SMPDL3B: variants seen among roughly 807,000 people sequenced by gnomAD.
SMPDL3B encodes acid sphingomyelinase-like phosphodiesterase 3b.
Under a neutral mutation model 37.9 loss-of-function variants are expected in SMPDL3B, and 31 were observed. The ratio of observed to expected loss-of-function variants is 0.82; its 90% confidence interval spans 0.61 to 1.10. SMPDL3B has a LOEUF of 1.10. Ranked by LOEUF, SMPDL3B falls within the 50% of genes least tolerant of loss-of-function variation. The pLI, the probability that SMPDL3B is intolerant of heterozygous loss-of-function variation, is 0.00. For missense variants in SMPDL3B, 525 were observed against 597.8 expected (o/e 0.88, Z 1.27); for synonymous variants, 235 against 242.6 (o/e 0.97, Z 0.29).
chr1:27,956,418 C>A, intron 7 of SMPDL3B: 1 of 1,269,880 alleles, frequency 7.9e-7, no homozygotes, highest in Non-Finnish European at 1.0e-6. Flanking sequence ...CTCCGTCCTG[C>A]TCAAAAACCT....
At chr1:27,936,842 C>G (rs1358872636) in intron 1 of SMPDL3B, among the ~76,000 whole-genome samples, 1 of 152,004 alleles carries the variant, frequency 6.6e-6, no homozygotes, top group Non-Finnish European at 1.5e-5. Context: ...TACGGTGAAA[C>G]TAAAAATACT....
chr1:27,941,072 G>T (rs1161049080), intron 1 of SMPDL3B, among the ~76,000 whole-genome samples: 4 of 152,212 alleles, frequency 2.6e-5, no homozygotes, highest in Non-Finnish European at 4.4e-5. Flanking sequence ...TTAGAAACCA[G>T]ATCTCCCACC....
chr1:27,936,605 C>T (rs1472695461), intron 1 of SMPDL3B: 1 of 152,222 alleles, frequency 6.6e-6, no homozygotes, highest in Non-Finnish European at 1.5e-5. Flanking sequence ...AATGGCAGGA[C>T]AAAGCCTGTG....
intron 2 of SMPDL3B, chr1:27,948,860 A>G (rs2090431701): frequency 4.6e-6 from 4 of 864,580 alleles, no homozygotes; most frequent in Non-Finnish European, 7.3e-6. Context: ...TAAACAGCCA[A>G]TCAAGGGACC....
At chr1:27,957,217 C>A (rs1638316907) in intron 7 of SMPDL3B, among the ~76,000 whole-genome samples, 1 of 152,030 alleles carries the variant, frequency 6.6e-6, no homozygotes. Context: ...GAGGGAAGGA[C>A]AAATCCCAGA....
At chr1:27,944,767 G>A (rs549960765) in intron 1 of SMPDL3B, among the ~76,000 whole-genome samples, 1 of 150,694 alleles carries the variant, frequency 6.6e-6, no homozygotes, top group Non-Finnish European at 1.5e-5. Flanking sequence ...GAAATTCCAG[G>A]ACAGGTCAGA....
chr1:27,957,048 AG>A (rs1638310095), intron 7 of SMPDL3B, among the ~76,000 whole-genome samples: 1 of 152,006 alleles, frequency 6.6e-6, no homozygotes, highest in Admixed American at 6.6e-5. Flanking sequence ...GGAGAGTGGG[AG>A]GGGAGGTCCG....
rs149876353 is a variant in SMPDL3B, at chr1:27,957,104, G to A, written c.1005+1022G>A. Among the ~76,000 whole-genome samples, 426 of 152,222 alleles carry A rather than the reference G, an allele frequency of 2.8e-3. 2 individuals carry two copies. Among genetic ancestry groups the A allele is most frequent in the African/African-American group, 9.4e-3 (391 of 41,520 alleles). On this transcript the variant is annotated intron_variant, in intron 7 of 7. Transcript: ENST00000373894. ...GGACTCTGGATTTGGAGGGTTTTGC[G>A]CAGAAGAATGAAATCCTGTGACTTA...
chr1:27,959,088 C>G lies in SMPDL3B; in HGVS notation c.*250C>G. The G allele has an allele frequency of 3.9e-6, 2 of 515,462 alleles. No individual in the cohort carries two copies. The highest frequency in any genetic ancestry group is 3.5e-6 in the Non-Finnish European group (1 of 286,972). The allele number at this position is 515,462 out of a possible 1,614,324, so 31.9% of individuals were successfully genotyped here. A position where few individuals can be genotyped will look rare whatever the true frequency, so the allele number is the denominator to read the frequency against. The stretch of plus-strand genomic sequence containing the variant: ...AAAAGAAATGACGACCCAAGACCCC[C>G]CTACAAGCATACTTCTTTTGCGTAT... On this transcript the variant is annotated 3_prime_UTR_variant, in exon 8 of 8. Transcript: ENST00000373894.
In SMPDL3B at chr1:27,953,282, TAAC is replaced by T. The variant is rs756154590; in HGVS notation, c.446_448del (p.Asn149del). 9.3e-6 allele frequency: 15 copies of T among 1,613,378 alleles called. No individual in the cohort carries two copies. Among genetic ancestry groups the T allele is most frequent in the Middle Eastern group, 3.3e-4 (2 of 6,084 alleles). ...CCAAAAACCAGTTCCCAGCTGGAAG[TAAC>T]AACATCTACAATCAGATAGCAGAAC... On this transcript the variant is annotated inframe_deletion, in exon 4 of 8. Transcript: ENST00000373894.
intron 1 of SMPDL3B, among the ~76,000 whole-genome samples, chr1:27,937,491 ATTT>A (rs2090320027): frequency 6.6e-6 from 1 of 152,104 alleles, no homozygotes; most frequent in Admixed American, 6.5e-5. Context: ...GAGGGCCTCC[ATTT>A]ACAAAGGATG....
At chr1:27,940,334 G>C (rs2090346188) in intron 1 of SMPDL3B, among the ~76,000 whole-genome samples, 1 of 152,204 alleles carries the variant, frequency 6.6e-6, no homozygotes, top group African/African-American at 2.4e-5. Context: ...GCTGGGGCTG[G>C]CTGGGTAGAA....
At chr1:27,943,546 G>C (rs1246620089) in intron 1 of SMPDL3B, among the ~76,000 whole-genome samples, 4 of 152,176 alleles carry the variant, frequency 2.6e-5, no homozygotes, top group Non-Finnish European at 5.9e-5. Context: ...TGGGGCCAGT[G>C]ATGTTGACTT....
rs908717364 is a variant in SMPDL3B at position 27,955,901 on chromosome 1, T to C, written c.871+37T>C. ...GGAGGGCAACTGCCAGCTCCCTCCC[T>C]CCTTCTCTCCCCAGACCCGCTCAGT... On this transcript the variant is annotated intron_variant, in intron 6 of 7. Transcript: ENST00000373894. 4.3e-6 allele frequency: 7 copies of C among 1,611,562 alleles called. No homozygotes were observed. The Admixed American group carries it at 8.3e-5, about 19-fold the overall frequency.
chr1:27,952,661 T>C (rs923086865), intron 3 of SMPDL3B, among the ~76,000 whole-genome samples: 1 of 152,176 alleles, frequency 6.6e-6, no homozygotes, highest in African/African-American at 2.4e-5. Context: ...GGCCATTCCC[T>C]TTCTGTGACA....
chr1:27,949,855 C>T (rs1366394628), intron 3 of SMPDL3B, among the ~76,000 whole-genome samples: 1 of 151,932 alleles, frequency 6.6e-6, no homozygotes, highest in Non-Finnish European at 1.5e-5. Context: ...GTACCTCTGC[C>T]CCCTCTAAAG....
intron 1 of SMPDL3B, among the ~76,000 whole-genome samples, chr1:27,943,016 C>G (rs2090373923): frequency 1.3e-5 from 2 of 152,082 alleles, no homozygotes; most frequent in South Asian, 4.1e-4. Flanking sequence ...TAAATTTTCC[C>G]CATTATAAAC....
At chr1:27,951,680 C>A (rs1421675930) in intron 3 of SMPDL3B, among the ~76,000 whole-genome samples, 3 of 152,092 alleles carry the variant, frequency 2.0e-5, no homozygotes, top group African/African-American at 7.2e-5. Context: ...GACCCTGCTT[C>A]TACAAAAAAT....
Position 27,945,496 on chromosome 1 carries a change from CT to C in SMPDL3B, c.275+52del. The C allele has an allele frequency of 7.0e-7, 1 of 1,430,158 alleles. No individual in the cohort carries two copies. Among genetic ancestry groups the C allele is most frequent in the Non-Finnish European group, 9.8e-7 (1 of 1,016,882 alleles). The allele number at this position is 1,430,158 out of a possible 1,614,324, so 88.6% of individuals were successfully genotyped here. ...CCCTTTGCCAGGCATCTGCTATGTG[CT>C]ACATACCAGTCTGGCCCTTTGCCCA... is the stretch of plus-strand genomic sequence containing the variant. On this transcript the variant is annotated intron_variant, in intron 2 of 7. Transcript: ENST00000373894. This position sits in a 1 kb window ranked among gnomAD's most constrained non-coding sequence, Gnocchi z 4.0.
Sources: allele counts gnomAD v4.1 joint callset (sites outside exome capture counted in the v4.1 genomes callset), GRCh38; gene constraint gnomAD v4.1.1; non-coding constraint Gnocchi (gnomAD v3.1); transcripts MANE v1.5; gene names NCBI Gene and HGNC (gene_info 2026-07-23, HGNC 2026-07-21).